COL24A1: variants seen among roughly 807,000 people sequenced by gnomAD.
The protein encoded by COL24A1 is collagen alpha-1(XXIV) chain.
In COL24A1, 224 loss-of-function variants were observed where a neutral mutation model predicts 253.9. That is an observed-to-expected ratio of 0.88 (90% CI 0.79 to 0.99). COL24A1 has a LOEUF of 0.99. COL24A1 is among the 50% of genes least tolerant of loss of function. COL24A1 has a pLI of 0.00. For missense variants in COL24A1, 2,131 were observed against 2,068.5 expected (o/e 1.03, Z -0.59); for synonymous variants, 685 against 673.7 (o/e 1.02, Z -0.26).
chr1:85,814,190 T>C (rs568094914), intron 47 of COL24A1, among the ~76,000 whole-genome samples: 4 of 152,320 alleles, frequency 2.6e-5, no homozygotes, highest in African/African-American at 4.8e-5. Flanking sequence ...AAAGTCCTAA[T>C]TGGGTTATAG....
intron 45 of COL24A1, among the ~76,000 whole-genome samples, chr1:85,819,711 A>G (rs991298400): frequency 1.2e-4 from 18 of 152,284 alleles, no homozygotes; most frequent in Admixed American, 7.8e-4. Flanking sequence ...AGTTTTTCCC[A>G]TGAAAGGGGA....
intron 19 of COL24A1, among the ~76,000 whole-genome samples, chr1:86,007,172 T>A (rs1379627559): frequency 6.6e-6 from 1 of 151,994 alleles, no homozygotes; most frequent in African/African-American, 2.4e-5. Flanking sequence ...CCATGGTCAC[T>A]CTACTGAACT....
chr1:85,818,191 C>T (rs1264452170), intron 45 of COL24A1, 104 bp from the exon 46 acceptor site: 10 of 828,308 alleles, frequency 1.2e-5, no homozygotes, highest in African/African-American at 5.1e-5. Context: ...AGAACTAGCA[C>T]GAACTAGTTG....
At chr1:85,976,646 G>T (rs1692714892) in intron 20 of COL24A1, among the ~76,000 whole-genome samples, 1 of 152,122 alleles carries the variant, frequency 6.6e-6, no homozygotes. Flanking sequence ...CCAACTTAGG[G>T]CAAGCTTATA....
At chr1:85,741,276 A>G (rs1185510465) in intron 57 of COL24A1, among the ~76,000 whole-genome samples, 2 of 152,128 alleles carry the variant, frequency 1.3e-5, no homozygotes, top group Non-Finnish European at 2.9e-5. Context: ...TGTTGTGTCA[A>G]CTTGTGTGTT....
At chr1:86,068,706 A>G (rs1701661431) in intron 7 of COL24A1, among the ~76,000 whole-genome samples, 1 of 152,138 alleles carries the variant, frequency 6.6e-6, no homozygotes, top group South Asian at 2.1e-4. Flanking sequence ...TAACAAGGAA[A>G]GTGACTCTTC....
chr1:85,905,119 T>TA (rs1558600672), intron 28 of COL24A1, among the ~76,000 whole-genome samples: 1 of 152,114 alleles, frequency 6.6e-6, no homozygotes, highest in East Asian at 1.9e-4. Context: ...CAAATGTACT[T>TA]AGGGCAGAGC....
rs370611975 is a variant in COL24A1, at chr1:86,072,081, G to A, written c.1708-8322C>T. 2.2e-4 allele frequency among the ~76,000 whole-genome samples: 34 copies of A among 152,252 alleles called. No individual in the cohort carries two copies. The South Asian group carries it at 5.8e-3, about 26-fold the overall frequency. On this transcript the variant is annotated intron_variant, in intron 7 of 59. Transcript: ENST00000370571. ...CTGGGTTTCAAGCACAAAACTGGGCGGCCATTTGGGGAGACAACGAGCTAG... is the reference window on the plus strand; with the variant it reads ...CTGGGTTTCAAGCACAAAACTGGGCAGCCATTTGGGGAGACAACGAGCTAG...
intron 37 of COL24A1, among the ~76,000 whole-genome samples, chr1:85,852,956 G>A (rs945728108): frequency 6.6e-6 from 1 of 152,078 alleles, no homozygotes; most frequent in Non-Finnish European, 1.5e-5. Flanking sequence ...ACAGTATTAT[G>A]TTTTATTTTT....
In COL24A1 at chr1:85,935,307, C is replaced by T. The variant is rs1688167946; in HGVS notation, c.2563-23874G>A. Among the ~76,000 whole-genome samples the T allele has an allele frequency of 1.4e-5, 2 of 147,480 alleles. 1 individual carries two copies. The highest frequency in any genetic ancestry group is 4.8e-4 in the South Asian group (2 of 4,128). Reference sequence around the variant, plus strand: ...TCGGAAAAAGAAAACTTAAAGTTGACTATGCATAGGAACAAAGTGAACTGT... The same window carrying T: ...TCGGAAAAAGAAAACTTAAAGTTGATTATGCATAGGAACAAAGTGAACTGT... On this transcript the variant is annotated intron_variant, in intron 24 of 59. Transcript: ENST00000370571.
intron 24 of COL24A1, among the ~76,000 whole-genome samples, chr1:85,920,309 A>C (rs546242446): frequency 3.9e-5 from 6 of 152,342 alleles, no homozygotes; most frequent in African/African-American, 1.4e-4. Context: ...AAATGGTGAA[A>C]GTGTATTCCA....
intron 55 of COL24A1, among the ~76,000 whole-genome samples, chr1:85,755,144 T>C (rs1383758827): frequency 6.6e-6 from 1 of 152,146 alleles, no homozygotes; most frequent in African/African-American, 2.4e-5. Flanking sequence ...AGTAGGATAA[T>C]ATATTCAGGG....
intron 12 of COL24A1, among the ~76,000 whole-genome samples, chr1:86,046,259 C>T (rs1190412840): frequency 2.6e-5 from 4 of 152,154 alleles, no homozygotes; most frequent in African/African-American, 9.7e-5. Flanking sequence ...AGAAGAACCT[C>T]AGGATGCCTC....
chr1:85,842,637 TA>T (rs5775873), intron 39 of COL24A1, among the ~76,000 whole-genome samples: 58,774 of 151,734 alleles, frequency 0.39, 12,133 homozygotes, highest in East Asian at 0.58. Flanking sequence ...TTAATCATAT[TA>T]AAAAAAATAC....
At chr1:85,968,246 G>C (rs953321034) in intron 22 of COL24A1, among the ~76,000 whole-genome samples, 6 of 152,082 alleles carry the variant, frequency 3.9e-5, no homozygotes, top group African/African-American at 1.4e-4. Context: ...TCCCTCTAGA[G>C]AACCTAGACT....
chr1:85,903,004 A>G (rs900121343), intron 28 of COL24A1, among the ~76,000 whole-genome samples: 19 of 152,316 alleles, frequency 1.2e-4, no homozygotes, highest in African/African-American at 4.6e-4. Context: ...TATGCATGTA[A>G]CAAAATATCA....
intron 47 of COL24A1, among the ~76,000 whole-genome samples, chr1:85,799,403 A>C (rs1438629202): frequency 7.3e-6 from 1 of 136,354 alleles, no homozygotes; most frequent in African/African-American, 2.6e-5. Context: ...AAAAAAAAAA[A>C]AAACCAATGG....
intron 19 of COL24A1, among the ~76,000 whole-genome samples, chr1:86,014,139 A>G (rs1696787722): frequency 6.6e-6 from 1 of 152,192 alleles, no homozygotes; most frequent in Non-Finnish European, 1.5e-5. Flanking sequence ...GAATTTGTAT[A>G]TAAGTTGTCC....
chr1:85,896,597 C>T (rs1307225867), intron 28 of COL24A1, among the ~76,000 whole-genome samples, 188 bp from the exon 29 acceptor site: 2 of 152,056 alleles, frequency 1.3e-5, no homozygotes, highest in Admixed American at 6.6e-5. Context: ...CAGGTTCACG[C>T]CATTCTCCTG....
Sources: gnomAD v4.1 joint callset for allele counts (sites outside exome capture counted in the v4.1 genomes callset) on GRCh38, gnomAD v4.1.1 for gene constraint, MANE v1.5 for transcripts, NCBI Gene and HGNC (gene_info 2026-07-23, HGNC 2026-07-21) for gene names.